MYO18A: variants seen among roughly 807,000 people sequenced by gnomAD.
MYO18A encodes the protein unconventional myosin-XVIIIa.
MYO18A carries 78 observed loss-of-function variants against 235.8 expected under a neutral mutation model. That is an observed-to-expected ratio of 0.33 (90% CI 0.28 to 0.40). MYO18A has a LOEUF of 0.40. Ranked by LOEUF, MYO18A falls within the 10% of genes least tolerant of loss-of-function variation. The pLI, the probability that MYO18A is intolerant of heterozygous loss-of-function variation, is 1.00. For synonymous variants in MYO18A, 977 were observed against 1,077.8 expected (o/e 0.91, Z 1.83); for missense variants, 2,215 against 2,699.3 (o/e 0.82, Z 3.98).
chr17:29,140,287 T>C lies in MYO18A; in HGVS notation c.1000-18034A>G, dbSNP rs79289149. On this transcript the variant is annotated intron_variant, in intron 2 of 41. Coordinates refer to ENST00000527372, the MANE Select transcript of MYO18A (RefSeq NM_078471.4). The surrounding 1 kb of genome is among the most constrained non-coding windows in gnomAD (Gnocchi z 4.2). ...GTCCCTCCTTTCCTAAATGAGGAAA[T>C]AGCATGAGGAGCCTGGGACATTTCC... is the stretch of plus-strand genomic sequence containing the variant. 7.8e-6 allele frequency: 9 copies of C among 1,154,366 alleles called. No homozygotes were observed. Among genetic ancestry groups the C allele is most frequent in the African/African-American group, 4.9e-5 (3 of 61,128 alleles). The allele number at this position is 1,154,366 out of a possible 1,614,324, so 71.5% of individuals were successfully genotyped here. A position where few individuals can be genotyped will look rare whatever the true frequency, so the allele number is the denominator to read the frequency against.
At chr17:29,169,119 G>A (rs1274038243) in intron 1 of MYO18A, among the ~76,000 whole-genome samples, 2 of 151,992 alleles carry the variant, frequency 1.3e-5, no homozygotes, top group East Asian at 2.0e-4. Flanking sequence ...GCGTGATCTC[G>A]GCTCACTGCA....
intron 2 of MYO18A, among the ~76,000 whole-genome samples, chr17:29,122,759 G>A (rs991775984): frequency 2.0e-5 from 3 of 152,206 alleles, no homozygotes; most frequent in African/African-American, 7.2e-5. Context: ...ATCTCAGCGG[G>A]GAGTCGCCTG....
rs774863131 is a variant in MYO18A at position 29,121,628 on chromosome 17, G to T, written c.1290C>A (p.Gly430=). 1.3e-6 allele frequency: 2 copies of T among 1,584,218 alleles called. No individual in the cohort carries two copies. Among genetic ancestry groups the T allele is most frequent in the Non-Finnish European group, 1.7e-6 (2 of 1,165,498 alleles). Reference sequence around the variant, plus strand: ...CAGCATACGTGTGCAGCAGGCTAGCGCCATAGCGCTGGCGCAAGGTGTGCA... The same window carrying T: ...CAGCATACGTGTGCAGCAGGCTAGCTCCATAGCGCTGGCGCAAGGTGTGCA... ...SVLHTLRQRY[G]ASLLHTYAGP... Residue 430 remains glycine, a synonymous_variant, in exon 5 of 42, where the codon GGC becomes GGA. Transcript: ENST00000527372. The surrounding 1 kb of genome is among the most constrained non-coding windows in gnomAD (Gnocchi z 4.2).
chr17:29,094,142 C>A (rs1598290361), intron 30 of MYO18A, 52 bp from the exon 31 acceptor site: 1 of 1,349,564 alleles, frequency 7.4e-7, no homozygotes, highest in Admixed American at 1.9e-5. Context: ...GTGGCCACCC[C>A]CTTCCCACCT....
At chr17:29,145,925 G>A (rs938895049) in intron 2 of MYO18A, among the ~76,000 whole-genome samples, 4 of 152,184 alleles carry the variant, frequency 2.6e-5, no homozygotes, top group African/African-American at 9.6e-5. Flanking sequence ...AATGAGGTAG[G>A]AAGGGAATTC....
At chr17:29,080,277 G>A in intron 41 of MYO18A, 3 of 986,024 alleles carry the variant, frequency 3.0e-6, no homozygotes, top group Non-Finnish European at 3.6e-6. Flanking sequence ...CAGCCTCCAG[G>A]TCTGGGTCCA....
rs73268383 is a variant in MYO18A at position 29,126,775 on chromosome 17, A to C, written c.1000-4522T>G. 0.033 allele frequency among the ~76,000 whole-genome samples: 4,978 copies of C among 152,202 alleles called. 248 individuals carry two copies. The highest frequency in any genetic ancestry group is 0.11 in the African/African-American group (4,651 of 41,492). On this transcript the variant is annotated intron_variant, in intron 2 of 41. Coordinates refer to ENST00000527372, the MANE Select transcript of MYO18A (RefSeq NM_078471.4). This position sits in a 1 kb window ranked among gnomAD's most constrained non-coding sequence, Gnocchi z 4.1. The stretch of plus-strand genomic sequence containing the variant: ...GGAAGCTTGAAGAGAACTGTCCCCA[A>C]CTCAGAGGCCAGCCAAGAAGGCAAC...
At position 29,092,437 on chromosome 17, in the gene MYO18A, G is replaced by C; in HGVS notation, c.5093C>G (p.Thr1698Ser). 1.2e-6 allele frequency: 2 copies of C among 1,611,918 alleles called. No homozygotes were observed. The highest frequency in any genetic ancestry group is 8.5e-7 in the Non-Finnish European group (1 of 1,179,754). The change falls in exon 34 of 42, where the codon ACC becomes AGC. Residue 1698 changes from threonine to serine, a missense_variant. By Grantham distance (58) the Thr-to-Ser change is moderately conservative (BLOSUM62 1). Transcript: ENST00000527372. Reference sequence around the variant, plus strand: ...CCGTGCTTTCACGGCTGCCGCACAGGTGAACTCTGACTCCTCCAGCTGGAC... The same window carrying C: ...CCGTGCTTTCACGGCTGCCGCACAGCTGAACTCTGACTCCTCCAGCTGGAC... ...LKNQLEESEF[T>S]CAAAVKARKA...
At position 29,117,760 on chromosome 17, in the gene MYO18A, C is replaced by T. The variant is rs536249760; in HGVS notation, c.2038+285G>A. 6.6e-6 allele frequency among the ~76,000 whole-genome samples: 1 copy of T among 152,210 alleles called. No homozygotes were observed. Among genetic ancestry groups the T allele is most frequent in the Non-Finnish European group, 1.5e-5 (1 of 68,024 alleles). The stretch of plus-strand genomic sequence containing the variant: ...GAGTTATTCCAGCGGGGCTGCCCTG[C>T]CTTAGTGCCCTTCTCATCCCTCAGC... On this transcript the variant is annotated intron_variant, in intron 10 of 41. Transcript: ENST00000527372. This position sits in a 1 kb window ranked among gnomAD's most constrained non-coding sequence, Gnocchi z 4.6.
In MYO18A at chr17:29,118,027, G is replaced by T; in HGVS notation, c.2038+18C>A. The T allele has an allele frequency of 6.4e-7, 1 of 1,568,432 alleles. No homozygotes were observed. The highest frequency in any genetic ancestry group is 8.6e-7 in the Non-Finnish European group (1 of 1,156,956). ...ACCCAGGGGACAGGCCAGCCTACTG[G>T]GACCCACTGCAGGTTACCTTTGGTG... On this transcript the variant is annotated intron_variant, in intron 10 of 41. Transcript: ENST00000527372. The surrounding 1 kb of genome is among the most constrained non-coding windows in gnomAD (Gnocchi z 4.2).
chr17:29,107,061 T>C lies in MYO18A; in HGVS notation c.3441+19A>G, dbSNP rs1379288822. On this transcript the variant is annotated intron_variant, in intron 20 of 41. Coordinates refer to ENST00000527372, the MANE Select transcript of MYO18A (RefSeq NM_078471.4). ...AGGGGCCTGGGCAGAGGGAGAGCGG[T>C]CTGGGGACCTGGACCTACCCGCCTT... 6.2e-7 allele frequency: 1 copy of C among 1,611,068 alleles called. No individual in the cohort carries two copies. Among genetic ancestry groups the C allele is most frequent in the Non-Finnish European group, 8.5e-7 (1 of 1,177,414 alleles).
At chr17:29,086,702 G>C (rs1163273938) in intron 38 of MYO18A, 125 bp from the exon 39 acceptor site, 3 of 1,341,832 alleles carry the variant, frequency 2.2e-6, no homozygotes, top group Non-Finnish European at 1.0e-6. Context: ...CAGGCTGCCA[G>C]AGCCTTTTCC....
chr17:29,121,826 C>G lies in MYO18A; in HGVS notation c.1194+25G>C, dbSNP rs375665767. Reference sequence around the variant, plus strand: ...CAGTGCACTCCTGAGCCTCCTCCCCCACACCCAGCCCCCTGCCCACCTACC... The same window carrying G: ...CAGTGCACTCCTGAGCCTCCTCCCCGACACCCAGCCCCCTGCCCACCTACC... On this transcript the variant is annotated intron_variant, in intron 4 of 41. Coordinates refer to ENST00000527372, the MANE Select transcript of MYO18A (RefSeq NM_078471.4). The surrounding 1 kb of genome is among the most constrained non-coding windows in gnomAD (Gnocchi z 4.2). 1.1e-5 allele frequency: 18 copies of G among 1,613,184 alleles called. No individual in the cohort carries two copies. Among genetic ancestry groups the G allele is most frequent in the South Asian group, 2.2e-5 (2 of 91,044 alleles).
chr17:29,085,516 G>A (rs910674648), intron 40 of MYO18A, 88 bp downstream of exon 40: 27 of 1,197,446 alleles, frequency 2.3e-5, no homozygotes, highest in African/African-American at 3.0e-5. Flanking sequence ...CACATGCTGC[G>A]TGCAGCGGCC....
At chr17:29,163,546 A>T (rs545343436) in intron 2 of MYO18A, among the ~76,000 whole-genome samples, 107 of 152,312 alleles carry the variant, frequency 7.0e-4, no homozygotes, top group Non-Finnish European at 1.0e-3. Context: ...ACCCCATAGG[A>T]GCTAGAGTGA....
intron 21 of MYO18A, among the ~76,000 whole-genome samples, chr17:29,103,091 G>C (rs186862436): frequency 6.6e-6 from 1 of 152,242 alleles, no homozygotes; most frequent in Admixed American, 6.5e-5. Flanking sequence ...TGCATTTTAC[G>C]CATGGCGTTC....
At chr17:29,136,248 A>ATATATAT (rs1207210720) in intron 2 of MYO18A, among the ~76,000 whole-genome samples, 2 of 74,608 alleles carry the variant, frequency 2.7e-5, no homozygotes, top group Non-Finnish European at 5.8e-5. Flanking sequence ...AAAAAAAAAA[A>ATATATAT]AAATATATAT....
intron 28 of MYO18A, among the ~76,000 whole-genome samples, chr17:29,095,697 G>A (rs1020829415): frequency 1.3e-5 from 2 of 152,252 alleles, no homozygotes; most frequent in African/African-American, 4.8e-5. Flanking sequence ...TAAATATGGA[G>A]CAAATTGCTC....
chr17:29,162,262 C>T (rs2068189544), intron 2 of MYO18A, among the ~76,000 whole-genome samples: 1 of 152,246 alleles, frequency 6.6e-6, no homozygotes, highest in Non-Finnish European at 1.5e-5. Flanking sequence ...CTATTGCTCC[C>T]TGATTAAATT....
Sources: allele counts gnomAD v4.1 joint callset (sites outside exome capture counted in the v4.1 genomes callset), GRCh38; gene constraint gnomAD v4.1.1; non-coding constraint Gnocchi (gnomAD v3.1); transcripts MANE v1.5; gene names NCBI Gene and HGNC (gene_info 2026-07-23, HGNC 2026-07-21).